SRBD1: variants seen among roughly 807,000 people sequenced by gnomAD.
SRBD1 encodes S1 RNA binding domain 1, also known as S1 RNA-binding domain-containing protein 1.
A neutral mutation model predicts 115.3 loss-of-function variants in SRBD1; 88 were observed. The observed-to-expected ratio is 0.76, with a 90% CI of 0.64 to 0.91. The LOEUF is 0.91. SRBD1 is among the 40% of genes least tolerant of loss of function. SRBD1 has a pLI of 0.00. For missense variants in SRBD1, 1,385 were observed against 1,177.4 expected, an observed-to-expected ratio of 1.18 and a Z score of -2.58; for synonymous variants, 509 against 407.7, an observed-to-expected ratio of 1.25 and a Z score of -2.99.
chr2:45,601,783 G>A, intron 3 of SRBD1, 120 bp downstream of exon 3: 1 of 1,276,248 alleles, frequency 7.8e-7, no homozygotes, highest in Non-Finnish European at 1.1e-6. Flanking sequence ...CAGGGTAGGG[G>A]ATGCCATTGC....
rs144084018 is a variant in SRBD1, at chr2:45,476,789, C to G, written c.2049+204G>C. 7.8e-3 allele frequency among the ~76,000 whole-genome samples: 1,189 copies of G among 152,278 alleles called. 6 individuals are homozygous for G. Among genetic ancestry groups the G allele is most frequent in the Non-Finnish European group, 0.011 (760 of 68,008 alleles). Reference sequence around the variant, plus strand: ...AATCTGACCACAGTCAATTCTAAGTCTTAATCAAAATCATTAACACGAGAA... The same window carrying G: ...AATCTGACCACAGTCAATTCTAAGTGTTAATCAAAATCATTAACACGAGAA... On this transcript the variant is annotated intron_variant, in intron 16 of 20. Transcript: ENST00000263736.
At chr2:45,467,346 A>C (rs1165101408) in intron 16 of SRBD1, among the ~76,000 whole-genome samples, 1 of 152,184 alleles carries the variant, frequency 6.6e-6, no homozygotes, top group African/African-American at 2.4e-5. Flanking sequence ...CATAATCTTA[A>C]GGTTTCTCAT....
chr2:45,523,217 T>C (rs533174467), intron 14 of SRBD1, among the ~76,000 whole-genome samples: 166 of 139,746 alleles, frequency 1.2e-3, no homozygotes, highest in African/African-American at 4.2e-3. Flanking sequence ...TAAATGCCCA[T>C]ATTAAAAAAA....
At chr2:45,522,044 T>A (rs548676174) in intron 14 of SRBD1, among the ~76,000 whole-genome samples, 9 of 151,648 alleles carry the variant, frequency 5.9e-5, no homozygotes, top group Admixed American at 2.0e-4. Context: ...TGTATACCAA[T>A]GTTCATAGCA....
At chr2:45,513,489 T>C (rs1411052037) in intron 14 of SRBD1, among the ~76,000 whole-genome samples, 1 of 151,906 alleles carries the variant, frequency 6.6e-6, no homozygotes, top group Non-Finnish European at 1.5e-5. Context: ...ACAAATTCTC[T>C]TCATGCTGAA....
intron 9 of SRBD1, among the ~76,000 whole-genome samples, chr2:45,564,204 T>C (rs1157334375): frequency 6.6e-6 from 1 of 152,154 alleles, no homozygotes; most frequent in Non-Finnish European, 1.5e-5. Flanking sequence ...CCTATGATCA[T>C]CTCAATAGAT....
chr2:45,456,235 C>T (rs7578429), intron 16 of SRBD1, among the ~76,000 whole-genome samples: 3 of 151,640 alleles, frequency 2.0e-5, no homozygotes, highest in Admixed American at 1.3e-4. Context: ...AAGAATGAAA[C>T]AATTAGAAAA....
At chr2:45,593,630 C>T (rs1283811746) in intron 4 of SRBD1, among the ~76,000 whole-genome samples, 5 of 152,300 alleles carry the variant, frequency 3.3e-5, no homozygotes, top group African/African-American at 1.2e-4. Flanking sequence ...GCAGCATCTG[C>T]ATTTTAAAAG....
chr2:45,557,736 C>T (rs567770862), intron 10 of SRBD1, among the ~76,000 whole-genome samples: 5 of 152,234 alleles, frequency 3.3e-5, no homozygotes, highest in Non-Finnish European at 7.3e-5. Flanking sequence ...AGTAAATTCA[C>T]AAACCCTGTT....
intron 4 of SRBD1, among the ~76,000 whole-genome samples, chr2:45,591,694 G>A (rs1673730118): frequency 6.6e-6 from 1 of 152,176 alleles, no homozygotes; most frequent in African/African-American, 2.4e-5. Context: ...AGCATGGCAG[G>A]AGAGCCCCCC....
chr2:45,456,862 C>T (rs190873730), intron 16 of SRBD1, among the ~76,000 whole-genome samples: 5 of 151,830 alleles, frequency 3.3e-5, no homozygotes, highest in East Asian at 3.9e-4. Flanking sequence ...GATTAGGGCA[C>T]GTTTAATTTC....
intron 14 of SRBD1, among the ~76,000 whole-genome samples, chr2:45,517,487 C>A (rs183682165): frequency 2.0e-5 from 3 of 152,130 alleles, no homozygotes; most frequent in Admixed American, 1.3e-4. Context: ...AGCAATTTCA[C>A]GGCAATGAAA....
chr2:45,524,653 A>G (rs1436265509), intron 14 of SRBD1, among the ~76,000 whole-genome samples: 3 of 152,092 alleles, frequency 2.0e-5, no homozygotes, highest in East Asian at 1.9e-4. Flanking sequence ...GAAGATCTAA[A>G]TAAGTGGAAA....
At chr2:45,609,751 A>T (rs905176086) in intron 1 of SRBD1, among the ~76,000 whole-genome samples, 2 of 152,190 alleles carry the variant, frequency 1.3e-5, no homozygotes, top group Admixed American at 1.3e-4. Flanking sequence ...GGCCTAAAAT[A>T]GGTTTCTCAA....
intron 14 of SRBD1, among the ~76,000 whole-genome samples, chr2:45,499,341 A>C (rs148579961): frequency 2.1e-3 from 327 of 152,158 alleles, no homozygotes; most frequent in Non-Finnish European, 4.0e-3. Flanking sequence ...TCTTAATCAC[A>C]GTATTTGTGG....
intron 3 of SRBD1, among the ~76,000 whole-genome samples, 181 bp downstream of exon 3, chr2:45,601,722 G>A (rs2104252470): frequency 6.6e-6 from 1 of 152,338 alleles, no homozygotes; most frequent in South Asian, 2.1e-4. Flanking sequence ...TCCTAGGAGA[G>A]GGAAAAGGGA....
At chr2:45,489,940 G>C (rs1670243155) in intron 14 of SRBD1, among the ~76,000 whole-genome samples, 1 of 152,088 alleles carries the variant, frequency 6.6e-6, no homozygotes, top group Non-Finnish European at 1.5e-5. Flanking sequence ...AGAAGAACTC[G>C]TATCTCTCTT....
intron 16 of SRBD1, among the ~76,000 whole-genome samples, chr2:45,428,528 G>A (rs1035248946): frequency 2.6e-5 from 4 of 151,608 alleles, no homozygotes; most frequent in African/African-American, 9.7e-5. Context: ...CTCCAGCCTC[G>A]GCGACAGAAC....
At chr2:45,536,026 C>G (rs1237142794) in intron 14 of SRBD1, among the ~76,000 whole-genome samples, 1 of 151,984 alleles carries the variant, frequency 6.6e-6, no homozygotes, top group African/African-American at 2.4e-5. Context: ...AAAATCCACA[C>G]CTGGCAGGGA....
Sources: gnomAD v4.1 joint callset for allele counts (sites outside exome capture counted in the v4.1 genomes callset) on GRCh38, gnomAD v4.1.1 for gene constraint, MANE v1.5 for transcripts, NCBI Gene and HGNC (gene_info 2026-07-23, HGNC 2026-07-21) for gene names.